The following ASPSCR1 variants were observed in gnomAD, a reference collection of about 807,000 sequenced individuals.
ASPSCR1 encodes the protein ASPSCR1 tether for SLC2A4, UBX domain containing.
Under a neutral mutation model 68.9 loss-of-function variants are expected in ASPSCR1, and 55 were observed. That is an observed-to-expected ratio of 0.80 (90% CI 0.64 to 1.00). The LOEUF (loss-of-function observed/expected upper bound fraction) is 1.00. Ranked by LOEUF, ASPSCR1 falls within the 50% of genes least tolerant of loss-of-function variation. ASPSCR1 has a pLI of 0.00. For synonymous variants in ASPSCR1, 352 were observed against 332.6 expected, an observed-to-expected ratio of 1.06 and a Z score of -0.63; for missense variants, 765 against 762.2, an observed-to-expected ratio of 1.00 and a Z score of -0.04.
intron 4 of ASPSCR1, among the ~76,000 whole-genome samples, chr17:81,992,068 G>A (rs1214944396): frequency 6.6e-6 from 1 of 152,248 alleles, no homozygotes; most frequent in African/African-American, 2.4e-5. Flanking sequence ...TGGAGAGTGT[G>A]TGAGAGTGTG....
At position 82,016,875 on chromosome 17, in the gene ASPSCR1, T is replaced by G. The variant is rs2043147312; in HGVS notation, c.1475+6T>G. The G allele has an allele frequency of 6.2e-7, 1 of 1,612,442 alleles. No individual in the cohort carries two copies. Among genetic ancestry groups the G allele is most frequent in the Non-Finnish European group, 8.5e-7 (1 of 1,179,936 alleles). ...GCCGATGTGCTGGTGGCCAGGTAAG[T>G]GCCGGTGGGTCTGGGGGCACCTCCC... is the stretch of plus-strand genomic sequence containing the variant. On this transcript the variant is annotated splice_donor_region_variant and intron_variant, in intron 14 of 15. Transcript: ENST00000306739.
At chr17:82,009,635 C>T (rs373595080) in intron 9 of ASPSCR1, 68 bp downstream of exon 9, 5,260 of 324,610 alleles carry the variant, frequency 0.016, 6 homozygotes, top group African/African-American at 0.091. Context: ...GGTCTGTGGA[C>T]GGGATGGGGC....
chr17:82,004,146 T>C (rs916932050), intron 7 of ASPSCR1, among the ~76,000 whole-genome samples: 1 of 152,228 alleles, frequency 6.6e-6, no homozygotes, highest in African/African-American at 2.4e-5. Context: ...TGTCCCGGCC[T>C]GTGTGCATGC....
chr17:82,012,223 C>T lies in ASPSCR1; in HGVS notation c.1301-8C>T. 3 of 1,613,446 alleles carry T rather than the reference C, an allele frequency of 1.9e-6. No individual in the cohort carries two copies. Among genetic ancestry groups the T allele is most frequent in the Admixed American group, 1.7e-5 (1 of 60,024 alleles). On this transcript the variant is annotated splice_polypyrimidine_tract_variant and splice_region_variant and intron_variant, in intron 11 of 15. Transcript: ENST00000306739. ...GCTTCCTAACACGTAGGTGCCTTCTCTCCTCAGTCATCACCCCTCCAAAAA... is the reference window on the plus strand; with the variant it reads ...GCTTCCTAACACGTAGGTGCCTTCTTTCCTCAGTCATCACCCCTCCAAAAA...
In ASPSCR1 at chr17:81,977,659, G is replaced by T; in HGVS notation, c.13G>T (p.Ala5Ser). 7.2e-7 allele frequency: 1 copy of T among 1,396,656 alleles called. No individual in the cohort carries two copies. The highest frequency in any genetic ancestry group is 1.4e-5 in the South Asian group (1 of 69,020). The allele number at this position is 1,396,656 out of a possible 1,614,324, so 86.5% of individuals were successfully genotyped here. Residue 5 changes from alanine to serine, a missense_variant, in exon 1 of 16, where the codon GCA becomes TCA. Coordinates refer to ENST00000306739, the MANE Select transcript of ASPSCR1 (RefSeq NM_024083.4). The surrounding 1 kb of genome is among the most constrained non-coding windows in gnomAD (Gnocchi z 5.0). ...ACGTGAGCGGAAAATGGCGGCCCCG[G>T]CAGGCGGCGGAGGCTCCGCGGTGTC... MAAPAGGGGSAVSVL... is the reference protein window; with the variant it reads MAAPSGGGGSAVSVL...
intron 6 of ASPSCR1, 109 bp downstream of exon 6, chr17:81,996,174 C>T: frequency 7.3e-7 from 1 of 1,362,500 alleles, no homozygotes; most frequent in Non-Finnish European, 9.8e-7. Context: ...TGTACCCAGG[C>T]CCTCATCATG....
rs2042028437 is a variant in ASPSCR1, at chr17:81,987,332, G to T, written c.374+1725G>T. 6.6e-6 allele frequency among the ~76,000 whole-genome samples: 1 copy of T among 152,224 alleles called. No homozygotes were observed. Among genetic ancestry groups the T allele is most frequent in the Non-Finnish European group, 1.5e-5 (1 of 68,034 alleles). On this transcript the variant is annotated intron_variant, in intron 4 of 15. Coordinates refer to ENST00000306739, the MANE Select transcript of ASPSCR1 (RefSeq NM_024083.4). This position sits in a 1 kb window ranked among gnomAD's most constrained non-coding sequence, Gnocchi z 5.6. ...TGAGAAGCAGGGATCCCGGCGCCCT[G>T]GCTCTGTGCTGCTTCCTGAGACGAG...
chr17:81,979,027 G>A (rs2041709391), intron 1 of ASPSCR1, among the ~76,000 whole-genome samples, 157 bp from the exon 2 acceptor site: 1 of 152,198 alleles, frequency 6.6e-6, no homozygotes, highest in Non-Finnish European at 1.5e-5. Context: ...GCCTGCATTT[G>A]TTGCGGGGAC....
chr17:81,997,208 A>G (rs903498713), intron 7 of ASPSCR1, among the ~76,000 whole-genome samples: 5 of 131,080 alleles, frequency 3.8e-5, no homozygotes, highest in East Asian at 4.2e-4. Flanking sequence ...TGTGTGGCAC[A>G]GAGCAGGGCC....
rs1567987397 is a variant in ASPSCR1, at chr17:82,009,120, G to C, written c.1017G>C (p.Glu339Asp). The change falls in exon 8 of 16, where the codon GAG becomes GAC. Residue 339 changes from glutamate to aspartate, a missense_variant. By Grantham distance (45) the Glu-to-Asp change is conservative (BLOSUM62 2). Coordinates refer to ENST00000306739, the MANE Select transcript of ASPSCR1 (RefSeq NM_024083.4). ...AGCGGCTGCAGGCCTGGCCAGCGGA[G>C]CTGCCTGATGAGTTCTTTGAGCTGA... Reference protein sequence around the residue: ...LEERLQAWPAELPDEFFELTV... With the variant: ...LEERLQAWPADLPDEFFELTV... The C allele has an allele frequency of 6.2e-7, 1 of 1,604,496 alleles. No homozygotes were observed. Among genetic ancestry groups the C allele is most frequent in the Non-Finnish European group, 8.5e-7 (1 of 1,176,194 alleles).
Position 81,977,757 on chromosome 17 carries a change from G to C in ASPSCR1, c.102+9G>C. 8.2e-7 allele frequency: 1 copy of C among 1,225,984 alleles called. No homozygotes were observed. Among genetic ancestry groups the C allele is most frequent in the Non-Finnish European group, 1.0e-6 (1 of 982,838 alleles). The allele number at this position is 1,225,984 out of a possible 1,614,324, so 75.9% of individuals were successfully genotyped here. A position where few individuals can be genotyped will look rare whatever the true frequency, so the allele number is the denominator to read the frequency against. ...GCACCGTGCTGCTTCAGGTGCGGCCGCCCGCCCGGGGCGGACGGGTAGGCG... is the reference window on the plus strand; with the variant it reads ...GCACCGTGCTGCTTCAGGTGCGGCCCCCCGCCCGGGGCGGACGGGTAGGCG... On this transcript the variant is annotated intron_variant, in intron 1 of 15. Transcript: ENST00000306739. This position sits in a 1 kb window ranked among gnomAD's most constrained non-coding sequence, Gnocchi z 5.0.
rs1567987137 is a variant in ASPSCR1 at position 82,009,054 on chromosome 17, C to T, written c.951C>T (p.Pro317=). ...GCCTCCAGCCCGTGGACCGGGAGCC[C>T]GTGGACCGGGAGCCGGTGGTGTGCC... ...QERERPVDRE[P]VDREPVVCHP... The change falls in exon 8 of 16, where the codon CCC becomes CCT. Residue 317 remains proline (P), a synonymous_variant. Coordinates refer to ENST00000306739, the MANE Select transcript of ASPSCR1 (RefSeq NM_024083.4). The T allele has an allele frequency of 4.5e-6, 7 of 1,555,504 alleles. No individual in the cohort carries two copies. Among genetic ancestry groups the T allele is most frequent in the African/African-American group, 2.7e-5 (2 of 72,908 alleles).
chr17:81,988,005 A>G (rs2042050516), intron 4 of ASPSCR1, among the ~76,000 whole-genome samples: 1 of 151,398 alleles, frequency 6.6e-6, no homozygotes, highest in Admixed American at 6.6e-5. Flanking sequence ...TAAAAATACA[A>G]AAATTAGCCG....
chr17:81,985,518 T>G lies in ASPSCR1; in HGVS notation c.285T>G (p.Ala95=), dbSNP rs374734789. ...REGPENMVRI[A]LQLDDGSRLQ... Reference sequence around the variant, plus strand: ...CTTATACCCTCCAGGTTCGCATCGCTTTGCAGCTGGACGATGGCTCGAGGT... The same window carrying G: ...CTTATACCCTCCAGGTTCGCATCGCGTTGCAGCTGGACGATGGCTCGAGGT... Residue 95 remains alanine (A), a synonymous_variant, in exon 4 of 16, where the codon GCT becomes GCG. Coordinates refer to ENST00000306739, the MANE Select transcript of ASPSCR1 (RefSeq NM_024083.4). 14 of 1,613,966 alleles carry G rather than the reference T, an allele frequency of 8.7e-6. No homozygotes were observed. The African/African-American group carries it at 1.2e-4, about 14-fold the overall frequency.
At chr17:82,009,634 A>G in intron 9 of ASPSCR1, 67 bp downstream of exon 9, 1 of 1,291,820 alleles carries the variant, frequency 7.7e-7, no homozygotes, top group Non-Finnish European at 1.1e-6. Context: ...AGGTCTGTGG[A>G]CGGGATGGGG....
In ASPSCR1 at chr17:82,008,816, G is replaced by A; in HGVS notation, c.934-221G>A. On this transcript the variant is annotated intron_variant, in intron 7 of 15. Coordinates refer to ENST00000306739, the MANE Select transcript of ASPSCR1 (RefSeq NM_024083.4). Reference sequence around the variant, plus strand: ...CTGGTGCACTGACTGGGAGAGGGGGGTCTCCAGCCCTGGACAGGCTCTGAG... The same window carrying A: ...CTGGTGCACTGACTGGGAGAGGGGGATCTCCAGCCCTGGACAGGCTCTGAG... 4 of 512,048 alleles carry A rather than the reference G, an allele frequency of 7.8e-6. No individual in the cohort carries two copies. In the South Asian group the frequency reaches 1.4e-4, roughly 18 times the overall value. 31.7% of individuals were successfully genotyped at this position (512,048 alleles called of 1,614,324 possible).
intron 7 of ASPSCR1, among the ~76,000 whole-genome samples, chr17:82,004,133 C>G (rs1267607644): frequency 1.3e-5 from 2 of 152,244 alleles, no homozygotes. Context: ...GACCTCTGGG[C>G]AGTGTCCCGG....
In ASPSCR1 at chr17:82,009,201, C is replaced by G; in HGVS notation, c.1088+10C>G. ...AGCTCAAGAGTGAGCGGTGGGTGCC[C>G]CCTCAGTGCCTCCCGGCATCTTCGC... On this transcript the variant is annotated intron_variant, in intron 8 of 15. Transcript: ENST00000306739. 1 of 1,594,576 alleles carries G rather than the reference C, an allele frequency of 6.3e-7. No homozygotes were observed. Among genetic ancestry groups the G allele is most frequent in the Non-Finnish European group, 8.6e-7 (1 of 1,168,572 alleles).
In ASPSCR1 at chr17:82,016,808, C is replaced by T. The variant is rs766947578; in HGVS notation, c.1414C>T (p.Leu472=). ...LGAEEPAGVY[L]EPGLLEHAIS... is the part of the protein sequence containing the mutation. Reference sequence around the variant, plus strand: ...CTTGGGCCTCCCTGCAGGTGTCTACCTGGAGCCTGGCCTGCTGGAGCATGC... The same window carrying T: ...CTTGGGCCTCCCTGCAGGTGTCTACTTGGAGCCTGGCCTGCTGGAGCATGC... The change falls in exon 14 of 16, where the codon CTG becomes TTG. Residue 472 remains leucine (L), a synonymous_variant. Transcript: ENST00000306739. 27 of 1,610,282 alleles carry T rather than the reference C, an allele frequency of 1.7e-5. No homozygotes were observed. The Middle Eastern group carries it at 5.3e-4, about 32-fold the overall frequency.
Sources: gnomAD v4.1 joint callset for allele counts (sites outside exome capture counted in the v4.1 genomes callset) on GRCh38, gnomAD v4.1.1 for gene constraint, Gnocchi (gnomAD v3.1) non-coding constraint, MANE v1.5 for transcripts, NCBI Gene and HGNC (gene_info 2026-07-23, HGNC 2026-07-21) for gene names.